Variants in HSPBP1 observed in about 807,000 individuals in gnomAD.
HSPBP1 encodes the protein hsp70-binding protein 1.
A neutral mutation model predicts 41.7 loss-of-function variants in HSPBP1; 31 were observed. The observed-to-expected ratio is 0.74, with a 90% CI of 0.56 to 1.00. The LOEUF is 1.00. Among genes scored for constraint, HSPBP1 ranks in the 50% least tolerant of loss-of-function variants. The pLI is 0.00. For missense variants in HSPBP1, 439 were observed against 487.9 expected (o/e 0.90, Z 0.94); for synonymous variants, 199 against 214.4 (o/e 0.93, Z 0.63).
chr19:55,273,310 T>G (rs1157802532), intron 4 of HSPBP1, among the ~76,000 whole-genome samples: 1 of 152,198 alleles, frequency 6.6e-6, no homozygotes, highest in Non-Finnish European at 1.5e-5. Flanking sequence ...AGTTATACAC[T>G]TTAAAAGGAT....
In HSPBP1 at chr19:55,279,506, C is replaced by T. The variant is rs1282286739; in HGVS notation, c.103G>A (p.Gly35Ser). ...CGTGGGGGCCGGGAATTGCCCGAGC[C>T]CCCAGCCGAGGAGCCGCCGCCGCCG... is the stretch of plus-strand genomic sequence containing the variant. ...GGGGGGSSAG[G>S]SGNSRPPRNL... The change falls in exon 2 of 8, where the codon GGC becomes AGC. Residue 35 changes from glycine to serine, a missense_variant. Coordinates refer to ENST00000433386, the MANE Select transcript of HSPBP1 (RefSeq NM_012267.5). The T allele has an allele frequency of 1.4e-6, 2 of 1,429,400 alleles. No individual in the cohort carries two copies. Among genetic ancestry groups the T allele is most frequent in the Non-Finnish European group, 9.5e-7 (1 of 1,050,596 alleles). The allele number at this position is 1,429,400 out of a possible 1,614,324, so 88.5% of individuals were successfully genotyped here. A position where few individuals can be genotyped will look rare whatever the true frequency, so the allele number is the denominator to read the frequency against.
intron 3 of HSPBP1, among the ~76,000 whole-genome samples, chr19:55,276,917 C>A (rs1001547872): frequency 2.0e-5 from 3 of 152,098 alleles, no homozygotes; most frequent in Non-Finnish European, 2.9e-5. Context: ...GGGTTTCTCT[C>A]GGCCCAGCCT....
At chr19:55,264,071 G>A (rs541665346) in intron 7 of HSPBP1, among the ~76,000 whole-genome samples, 58 of 151,128 alleles carry the variant, frequency 3.8e-4, no homozygotes, top group East Asian at 2.1e-3. Context: ...CGGTTCAAGC[G>A]ATTCTCCTGC....
chr19:55,276,702 G>C (rs1375220972), intron 3 of HSPBP1, among the ~76,000 whole-genome samples: 1 of 152,100 alleles, frequency 6.6e-6, no homozygotes, highest in Non-Finnish European at 1.5e-5. Flanking sequence ...TGGAGCAGGA[G>C]TTCTCTGCCC....
Position 55,265,316 on chromosome 19 carries a change from G to T in HSPBP1, c.967C>A (p.His323Asn). 1 of 1,612,724 alleles carries T rather than the reference G, an allele frequency of 6.2e-7. No homozygotes were observed. The highest frequency in any genetic ancestry group is 8.5e-7 in the Non-Finnish European group (1 of 1,179,598). The change falls in exon 7 of 8, where the codon CAC (histidine) becomes AAC (asparagine). Residue 323 changes from histidine (H) to asparagine (N), a missense_variant. By Grantham distance (68) the His-to-Asn change is moderately conservative. Transcript: ENST00000433386. ...TGCTGCTGCAGCAGCTGACAGCGGT[G>T]GCGGAGGAGCTCCTCCAGGCCCAGT... is the stretch of plus-strand genomic sequence containing the variant. ...PELGLEELLR[H>N]RCQLLQQHEE...
chr19:55,278,923 C>CCCCAAA (rs764250410), intron 2 of HSPBP1, among the ~76,000 whole-genome samples: 27 of 90,632 alleles, frequency 3.0e-4, no homozygotes, highest in East Asian at 6.2e-4. Flanking sequence ...CTGCCCCCAC[C>CCCCAAA]AAAAAAAAAA....
intron 6 of HSPBP1, 35 bp from the exon 7 acceptor site, chr19:55,265,424 C>A (rs370970166): frequency 1.3e-6 from 2 of 1,533,286 alleles, no homozygotes; most frequent in Middle Eastern, 1.7e-4. Context: ...TTAGGACCTC[C>A]CTCTAGAGGC....
intron 1 of HSPBP1, 61 bp from the exon 2 acceptor site, chr19:55,279,763 G>A (rs2122898597): frequency 6.6e-7 from 1 of 1,516,746 alleles, no homozygotes; most frequent in Non-Finnish European, 8.8e-7. Context: ...AAACCACTCT[G>A]CCCCCAGCCC....
At chr19:55,278,121 C>T (rs972923536) in intron 2 of HSPBP1, among the ~76,000 whole-genome samples, 1 of 152,132 alleles carries the variant, frequency 6.6e-6, no homozygotes, top group African/African-American at 2.4e-5. Flanking sequence ...GTGGCGTGAG[C>T]CTGTAATCCC....
intron 3 of HSPBP1, among the ~76,000 whole-genome samples, chr19:55,276,899 G>A (rs961934085): frequency 5.9e-5 from 9 of 152,056 alleles, no homozygotes; most frequent in Non-Finnish European, 1.0e-4. Context: ...GGTGTTGTGC[G>A]GGCCTGGGGG....
chr19:55,265,113 G>C (rs188875024), intron 7 of HSPBP1, among the ~76,000 whole-genome samples, 165 bp downstream of exon 7: 95 of 99,726 alleles, frequency 9.5e-4, no homozygotes, highest in Admixed American at 3.9e-3. Flanking sequence ...CTTGCACCCC[G>C]TCACCTCCCC....
rs538558008 is a variant in HSPBP1, at chr19:55,268,534, T to C, written c.641-2248A>G. Among the ~76,000 whole-genome samples the C allele has an allele frequency of 2.6e-5, 4 of 152,302 alleles. No individual in the cohort carries two copies. Among genetic ancestry groups the C allele is most frequent in the African/African-American group, 9.6e-5 (4 of 41,558 alleles). On this transcript the variant is annotated intron_variant, in intron 4 of 7. Coordinates refer to ENST00000433386, the MANE Select transcript of HSPBP1 (RefSeq NM_012267.5). This position sits in a 1 kb window ranked among gnomAD's most constrained non-coding sequence, Gnocchi z 4.5. Reference sequence around the variant, plus strand: ...AAAACTCAGCATGTTGCGATGTGCTTCATTTGTAAAATGCACACACTAGGT... The same window carrying C: ...AAAACTCAGCATGTTGCGATGTGCTCCATTTGTAAAATGCACACACTAGGT...
At chr19:55,279,083 T>C (rs1224700810) in intron 2 of HSPBP1, among the ~76,000 whole-genome samples, 1 of 152,044 alleles carries the variant, frequency 6.6e-6, no homozygotes, top group Non-Finnish European at 1.5e-5. Flanking sequence ...ATTATTATTA[T>C]CAATTTGTAA....
At chr19:55,275,605 G>C (rs1192923749) in intron 3 of HSPBP1, among the ~76,000 whole-genome samples, 3 of 151,932 alleles carry the variant, frequency 2.0e-5, no homozygotes, top group Non-Finnish European at 4.4e-5. Flanking sequence ...GACCAGCCCA[G>C]GTAACATAGC....
At chr19:55,279,145 G>C in intron 2 of HSPBP1, among the ~76,000 whole-genome samples, 1 of 152,144 alleles carries the variant, frequency 6.6e-6, no homozygotes, top group East Asian at 1.9e-4. Flanking sequence ...AGGTCACACA[G>C]CTGGAAATGC....
In HSPBP1 at chr19:55,262,581, G is replaced by C. The variant is rs1307274396; in HGVS notation, c.*27C>G. The C allele has an allele frequency of 6.2e-7, 1 of 1,612,192 alleles. No individual in the cohort carries two copies. On this transcript the variant is annotated 3_prime_UTR_variant, in exon 8 of 8. Coordinates refer to ENST00000433386, the MANE Select transcript of HSPBP1 (RefSeq NM_012267.5). ...AGGCAAGAGGCCTGGGGTTCCCACG[G>C]AGAAGGGGGCAAGAAGCCACCTGGT... is the stretch of plus-strand genomic sequence containing the variant.
At chr19:55,265,412 C>A in intron 6 of HSPBP1, 23 bp from the exon 7 acceptor site, 3 of 1,586,942 alleles carry the variant, frequency 1.9e-6, no homozygotes, top group Non-Finnish European at 2.6e-6. Flanking sequence ...TGACAGCGGC[C>A]CTTAGGACCT....
In HSPBP1 at chr19:55,262,665, A is replaced by C. The variant is rs947284891; in HGVS notation, c.1023T>G (p.Cys341Trp). ...AGAAACAGGTCTGTAGCAGCTTTTC[A>C]CAGAACTCCAGCTCCTCCTGGATTG... ...HEEYQEELEFCEKLLQTCFSS... is the reference protein window; with the variant it reads ...HEEYQEELEFWEKLLQTCFSS... The change falls in exon 8 of 8, where the codon TGT becomes TGG. Residue 341 changes from cysteine to tryptophan, a missense_variant. By Grantham distance (215) the Cys-to-Trp change is radical (BLOSUM62 -2). Transcript: ENST00000433386. 6.2e-7 allele frequency: 1 copy of C among 1,613,474 alleles called. No individual in the cohort carries two copies. The highest frequency in any genetic ancestry group is 8.5e-7 in the Non-Finnish European group (1 of 1,179,700).
rs760005842 is a variant in HSPBP1 at position 55,274,483 on chromosome 19, G to A, written c.555C>T (p.Gly185=). The change falls in exon 4 of 8, where the codon GGC becomes GGT. Residue 185 remains glycine (G), a synonymous_variant. Transcript: ENST00000433386. ...GCAGCAGCTTACGCAGGGCACCCAG[G>A]CCCAGCACCTGCTCCTGGATGGCTG... ...NVAAIQEQVL[G]LGALRKLLRL... 12 of 1,590,582 alleles carry A rather than the reference G, an allele frequency of 7.5e-6. No homozygotes were observed. The Admixed American group carries it at 8.7e-5, about 12-fold the overall frequency.
Sources: gnomAD v4.1 joint callset for allele counts (sites outside exome capture counted in the v4.1 genomes callset) on GRCh38, gnomAD v4.1.1 for gene constraint, Gnocchi (gnomAD v3.1) non-coding constraint, MANE v1.5 for transcripts, NCBI Gene and HGNC (gene_info 2026-07-23, HGNC 2026-07-21) for gene names.